SLC8A1: variants seen among roughly 807,000 people sequenced by gnomAD.
SLC8A1 encodes the protein sodium/calcium exchanger 1.
In SLC8A1, 18 loss-of-function variants were observed where a neutral mutation model predicts 68.3. The ratio of observed to expected loss-of-function variants is 0.26; its 90% CI spans 0.18 to 0.39. The LOEUF (loss-of-function observed/expected upper bound fraction) is 0.39, where lower values mean the gene tolerates loss of function less well. Among genes scored for constraint, SLC8A1 ranks in the 10% least tolerant of loss-of-function variants. The probability of loss-of-function intolerance (pLI) is 1.00; values close to 1 mark genes in which losing one functional copy is unlikely to be tolerated. For synonymous variants in SLC8A1, 475 were observed against 415.5 expected (o/e 1.14, Z -1.74); for missense variants, 985 against 1,156.7 (o/e 0.85, Z 2.15).
intron 2 of SLC8A1, among the ~76,000 whole-genome samples, chr2:40,348,777 G>C (rs1670143048): frequency 6.6e-6 from 1 of 152,124 alleles, no homozygotes; most frequent in South Asian, 2.1e-4. Context: ...GAAAGACAGA[G>C]GGAAGCGGTA....
intron 2 of SLC8A1, among the ~76,000 whole-genome samples, chr2:40,339,287 C>A (rs1666972447): frequency 6.6e-6 from 1 of 152,122 alleles, no homozygotes; most frequent in African/African-American, 2.4e-5. Context: ...TAAAGATGAC[C>A]AGTGATTAGA....
intron 7 of SLC8A1, among the ~76,000 whole-genome samples, chr2:40,129,079 T>G (rs1219979848): frequency 6.6e-6 from 1 of 152,208 alleles, no homozygotes; most frequent in Non-Finnish European, 1.5e-5. Context: ...CAAGACTCAG[T>G]GAATTTACTA....
At chr2:40,176,067 G>A (rs1197804273) in intron 3 of SLC8A1, 6 of 419,436 alleles carry the variant, frequency 1.4e-5, no homozygotes, top group Non-Finnish European at 2.4e-5. Flanking sequence ...TTCAGCTTAT[G>A]TGCTTTAAGC....
chr2:40,424,229 T>C (rs996415626), intron 2 of SLC8A1, among the ~76,000 whole-genome samples: 1 of 151,820 alleles, frequency 6.6e-6, no homozygotes, highest in Admixed American at 6.6e-5. Context: ...CCTTCTGTTC[T>C]GATCACTTCA....
chr2:40,323,872 GT>G (rs2075501733), intron 2 of SLC8A1, among the ~76,000 whole-genome samples: 1 of 152,146 alleles, frequency 6.6e-6, no homozygotes, highest in Non-Finnish European at 1.5e-5. Context: ...TAGGAAACTA[GT>G]ATGAGAAAGG....
chr2:40,117,122 AAC>A (rs2035615064), intron 7 of SLC8A1: 1 of 152,140 alleles, frequency 6.6e-6, no homozygotes, highest in Non-Finnish European at 1.5e-5. Flanking sequence ...TTGTTTTGGA[AAC>A]ACAATATAAA....
chr2:40,346,405 G>A (rs1355804331), intron 2 of SLC8A1, among the ~76,000 whole-genome samples: 1 of 152,138 alleles, frequency 6.6e-6, no homozygotes, highest in African/African-American at 2.4e-5. Context: ...ATATGCTAGG[G>A]CGTTTACCTC....
At chr2:40,253,094 TATATATAC>T (rs1329707745) in intron 2 of SLC8A1, among the ~76,000 whole-genome samples, 12 of 109,064 alleles carry the variant, frequency 1.1e-4, no homozygotes, top group African/African-American at 3.6e-4. Flanking sequence ...ATGTATATAG[TATATATAC>T]ATATATACGT....
intron 2 of SLC8A1, among the ~76,000 whole-genome samples, chr2:40,369,842 C>T (rs1677459994): frequency 6.6e-6 from 1 of 151,444 alleles, no homozygotes; most frequent in South Asian, 2.1e-4. Flanking sequence ...AAAGAATTTC[C>T]TATGACCACT....
intron 6 of SLC8A1, among the ~76,000 whole-genome samples, chr2:40,149,525 T>C (rs915683481): frequency 6.6e-6 from 1 of 152,188 alleles, no homozygotes; most frequent in Admixed American, 6.5e-5. Context: ...AAGTATTCCA[T>C]GCAGAGAAAA....
chr2:40,120,849 A>G (rs576557711), intron 7 of SLC8A1: 2 of 152,348 alleles, frequency 1.3e-5, no homozygotes, highest in South Asian at 2.1e-4. Flanking sequence ...CTGACTGGCC[A>G]TTCATTGATA....
At chr2:40,417,160 A>AT (rs942130761) in intron 2 of SLC8A1, among the ~76,000 whole-genome samples, 3 of 151,898 alleles carry the variant, frequency 2.0e-5, no homozygotes, top group Admixed American at 1.3e-4. Context: ...ATTTTTACTT[A>AT]TTTTTTTATG....
intron 1 of SLC8A1, among the ~76,000 whole-genome samples, chr2:40,489,084 A>G (rs1248340480): frequency 6.6e-6 from 1 of 152,146 alleles, no homozygotes; most frequent in African/African-American, 2.4e-5. Flanking sequence ...TACTTTACCA[A>G]CATTCTGTCA....
intron 1 of SLC8A1, among the ~76,000 whole-genome samples, chr2:40,447,320 A>C (rs888342575): frequency 1.3e-5 from 2 of 152,190 alleles, no homozygotes; most frequent in Non-Finnish European, 2.9e-5. Flanking sequence ...TCTTCAAGAA[A>C]GTATCAAATT....
intron 2 of SLC8A1, among the ~76,000 whole-genome samples, chr2:40,287,364 G>C (rs567979770): frequency 3.9e-5 from 6 of 152,232 alleles, no homozygotes; most frequent in African/African-American, 1.2e-4. Flanking sequence ...GTTGGCAGCA[G>C]TCTATACGTG....
intron 2 of SLC8A1, among the ~76,000 whole-genome samples, chr2:40,275,493 T>C (rs1559057624): frequency 6.6e-6 from 1 of 152,192 alleles, no homozygotes; most frequent in East Asian, 1.9e-4. Flanking sequence ...ACATATTGTG[T>C]GGTCCTTAGG....
intron 1 of SLC8A1, among the ~76,000 whole-genome samples, chr2:40,436,193 T>C (rs954650562): frequency 2.0e-5 from 3 of 152,130 alleles, no homozygotes; most frequent in African/African-American, 7.2e-5. Flanking sequence ...CATTGAGGTA[T>C]TCCCAGTTCC....
chr2:40,293,050 T>C lies in SLC8A1; in HGVS notation c.1809-115195A>G, dbSNP rs76545503. ...TTCCCTTCTTAGAGTAGATCTTATT[T>C]TGTTGTTGTTGTTTTCTGCCAGAAA... is the stretch of plus-strand genomic sequence containing the variant. On this transcript the variant is annotated intron_variant, in intron 2 of 7. Coordinates refer to ENST00000406785, the Ensembl canonical transcript of SLC8A1. Among the ~76,000 whole-genome samples the C allele has an allele frequency of 6.0e-3, 918 of 152,066 alleles. 6 individuals are homozygous for C. The highest frequency in any genetic ancestry group is 0.021 in the African/African-American group (859 of 41,492).
chr2:40,318,146 G>C (rs1302136258), intron 2 of SLC8A1, among the ~76,000 whole-genome samples: 1 of 152,056 alleles, frequency 6.6e-6, no homozygotes, highest in African/African-American at 2.4e-5. Context: ...CAACTTGCTG[G>C]AACTGGGCTA....
Sources: allele counts gnomAD v4.1 joint callset (sites outside exome capture counted in the v4.1 genomes callset), GRCh38; gene constraint gnomAD v4.1.1; transcripts MANE v1.5; gene names NCBI Gene and HGNC (gene_info 2026-07-23, HGNC 2026-07-21).